MYT1L: variants seen among roughly 807,000 people sequenced by gnomAD.
MYT1L encodes the protein myelin transcription factor 1-like protein.
Under a neutral mutation model 126.7 loss-of-function variants are expected in MYT1L, and 12 were observed. The observed-to-expected ratio is 0.09, with a 90% CI of 0.06 to 0.15. MYT1L has a LOEUF of 0.15. MYT1L is among the 10% of genes least tolerant of loss of function. MYT1L has a pLI of 1.00. For synonymous variants in MYT1L, 541 were observed against 604.2 expected, an observed-to-expected ratio of 0.90 and a Z score of 1.53; for missense variants, 979 against 1,585.2, an observed-to-expected ratio of 0.62 and a Z score of 6.49.
chr2:1,952,735 CCTT>C (rs1558515904), intron 8 of MYT1L, among the ~76,000 whole-genome samples: 3 of 56,410 alleles, frequency 5.3e-5, no homozygotes, highest in Non-Finnish European at 1.0e-4. Context: ...TCCCTTCCCT[CCTT>C]CCTTCCCTTC....
chr2:2,181,757 T>A (rs942122594), intron 2 of MYT1L, among the ~76,000 whole-genome samples: 17 of 152,142 alleles, frequency 1.1e-4, no homozygotes, highest in Non-Finnish European at 2.4e-4. Context: ...TGCCGAGAAG[T>A]GAGATTCATC....
At chr2:1,941,234 C>A (rs775002360) in intron 9 of MYT1L, among the ~76,000 whole-genome samples, 1 of 152,008 alleles carries the variant, frequency 6.6e-6, no homozygotes, top group African/African-American at 2.4e-5. Flanking sequence ...GGTTAAGGCC[C>A]CTGGTGTAAA....
chr2:2,148,216 G>A (rs1300671492), intron 3 of MYT1L, among the ~76,000 whole-genome samples: 1 of 152,158 alleles, frequency 6.6e-6, no homozygotes, highest in African/African-American at 2.4e-5. Context: ...CAACCTTTTT[G>A]GCACCAAGGA....
intron 2 of MYT1L, among the ~76,000 whole-genome samples, chr2:2,181,889 G>A (rs747317887): frequency 2.6e-5 from 4 of 152,128 alleles, no homozygotes; most frequent in South Asian, 2.1e-4. Context: ...ATAGGCAACC[G>A]AGATATTATT....
At chr2:1,918,534 G>A (rs1363821103) in intron 10 of MYT1L, among the ~76,000 whole-genome samples, 1 of 152,172 alleles carries the variant, frequency 6.6e-6, no homozygotes, top group African/African-American at 2.4e-5. Context: ...ATAAAAGCTG[G>A]ATTTAGAATT....
intron 3 of MYT1L, among the ~76,000 whole-genome samples, chr2:2,100,976 C>T (rs1249507110): frequency 2.0e-5 from 3 of 152,106 alleles, no homozygotes; most frequent in African/African-American, 7.2e-5. Flanking sequence ...TCAGAATTTA[C>T]TCACACCTGT....
chr2:2,281,830 A>C (rs1267653917), intron 2 of MYT1L, among the ~76,000 whole-genome samples: 1 of 152,196 alleles, frequency 6.6e-6, no homozygotes, highest in African/African-American at 2.4e-5. Flanking sequence ...CAAACCCTTG[A>C]CACAATCCAA....
intron 1 of MYT1L, among the ~76,000 whole-genome samples, chr2:2,308,678 T>C (rs1303665078): frequency 2.6e-5 from 4 of 150,978 alleles, no homozygotes; most frequent in African/African-American, 7.3e-5. Context: ...ACCTATATCT[T>C]ACCTACTCTT....
At chr2:2,123,554 C>T (rs2081315293) in intron 3 of MYT1L, among the ~76,000 whole-genome samples, 2 of 152,180 alleles carry the variant, frequency 1.3e-5, no homozygotes, top group Non-Finnish European at 2.9e-5. Flanking sequence ...AAGTGTGTGG[C>T]AACTCTCCCT....
chr2:1,798,132 T>TCC (rs577842775), intron 23 of MYT1L, among the ~76,000 whole-genome samples: 1 of 34,922 alleles, frequency 2.9e-5, no homozygotes, highest in African/African-American at 1.1e-4. Flanking sequence ...CGCGGCGGTC[T>TCC]CCCTCCATCC....
chr2:2,025,539 G>A lies in MYT1L; in HGVS notation c.-157-28192C>T, dbSNP rs1414656418. ...AAAAGACAGCTAGGTTGGGAGATAA[G>A]TGGTGTGTGATATTCCCCCTCCACT... On this transcript the variant is annotated intron_variant, in intron 4 of 24. Transcript: ENST00000647738. 3.9e-5 allele frequency among the ~76,000 whole-genome samples: 6 copies of A among 152,368 alleles called. No individual in the cohort carries two copies. The East Asian group carries it at 1.2e-3, about 29-fold the overall frequency.
intron 1 of MYT1L, among the ~76,000 whole-genome samples, chr2:2,318,713 C>T (rs187488560): frequency 8.5e-5 from 13 of 152,188 alleles, no homozygotes; most frequent in African/African-American, 2.2e-4. Context: ...AAACAAAGGA[C>T]GAGTAAGAAA....
At chr2:2,064,259 A>C (rs1231643382) in intron 3 of MYT1L, among the ~76,000 whole-genome samples, 1 of 152,170 alleles carries the variant, frequency 6.6e-6, no homozygotes, top group Non-Finnish European at 1.5e-5. Context: ...GACCTGGTTG[A>C]GTTGGAGCCA....
rs2068876450 is a variant in MYT1L, at chr2:2,051,943, A to G, written c.-158+2035T>C. ...TTAAGGTCATTTTTTTTTCAAAAAT[A>G]AATATATTGCAAGATTCGTAAATGT... is the stretch of plus-strand genomic sequence containing the variant. On this transcript the variant is annotated intron_variant, in intron 4 of 24. Coordinates refer to ENST00000647738, the MANE Select transcript of MYT1L (RefSeq NM_001303052.2). Among the ~76,000 whole-genome samples the G allele has an allele frequency of 2.0e-5, 3 of 152,088 alleles. No homozygotes were observed. The South Asian group carries it at 6.2e-4, about 31-fold the overall frequency.
chr2:2,114,392 C>A (rs1012294725), intron 3 of MYT1L, among the ~76,000 whole-genome samples: 1 of 152,174 alleles, frequency 6.6e-6, no homozygotes, highest in Non-Finnish European at 1.5e-5. Flanking sequence ...AAATGAAAGA[C>A]CTTGAACATT....
At chr2:1,862,411 T>C (rs981213706) in intron 18 of MYT1L, among the ~76,000 whole-genome samples, 1 of 152,184 alleles carries the variant, frequency 6.6e-6, no homozygotes, top group Non-Finnish European at 1.5e-5. Context: ...TGCACTAAAC[T>C]CTTCTTGCCG....
At chr2:2,124,290 A>T (rs999879851) in intron 3 of MYT1L, among the ~76,000 whole-genome samples, 1 of 152,106 alleles carries the variant, frequency 6.6e-6, no homozygotes, top group East Asian at 1.9e-4. Flanking sequence ...CAATAAAAAC[A>T]AGCTATTCTT....
At chr2:2,165,817 A>C (rs956261020) in intron 3 of MYT1L, among the ~76,000 whole-genome samples, 2 of 151,694 alleles carry the variant, frequency 1.3e-5, no homozygotes, top group African/African-American at 4.8e-5. Flanking sequence ...TTATTTTTCT[A>C]CTTTGTAAAT....
intron 21 of MYT1L, among the ~76,000 whole-genome samples, chr2:1,818,978 G>A (rs538573413): frequency 6.6e-6 from 1 of 152,264 alleles, no homozygotes; most frequent in Non-Finnish European, 1.5e-5. Flanking sequence ...GGGTGGCCGT[G>A]TGACCACCCA....
Sources: allele counts gnomAD v4.1 joint callset (sites outside exome capture counted in the v4.1 genomes callset), GRCh38; gene constraint gnomAD v4.1.1; transcripts MANE v1.5; gene names NCBI Gene and HGNC (gene_info 2026-07-23, HGNC 2026-07-21).